The following CPSF1 variants were observed in gnomAD, a reference collection of about 807,000 sequenced individuals.
CPSF1 encodes the protein cleavage and polyadenylation specific factor 1, also known as cleavage and polyadenylation specificity factor subunit 1.
A neutral mutation model predicts 175.8 loss-of-function variants in CPSF1; 106 were observed. That is an observed-to-expected ratio of 0.60 (90% CI 0.52 to 0.71). The LOEUF (loss-of-function observed/expected upper bound fraction) is 0.71. CPSF1 is among the 30% of genes least tolerant of loss of function. CPSF1 has a pLI of 0.00. For synonymous variants in CPSF1, 1,024 were observed against 858.3 expected (o/e 1.19, Z -3.37); for missense variants, 1,734 against 2,022.9 (o/e 0.86, Z 2.74).
intron 2 of CPSF1, among the ~76,000 whole-genome samples, chr8:144,407,369 A>G (rs886194262): frequency 4.0e-5 from 6 of 151,286 alleles, no homozygotes; most frequent in African/African-American, 1.5e-4. Context: ...ACAGGCCACT[A>G]TGCCCAGCTA....
rs782631256 is a variant in CPSF1 at position 144,395,016 on chromosome 8, G to A, written c.3280C>T (p.Leu1094=). Reference sequence around the variant, plus strand: ...CAGGTCACATGCTCCCACTCCTGCAGCTCGATCCTGTGGGGGCCAGGGGCC... The same window carrying A: ...CAGGTCACATGCTCCCACTCCTGCAACTCGATCCTGTGGGGGCCAGGGGCC... ...WEAIPNARIE[L]QEWEHVTCMK... is the part of the protein sequence containing the mutation. Residue 1094 remains leucine (L), a synonymous_variant, in exon 30 of 38, where the codon CTG becomes TTG. Transcript: ENST00000616140. The A allele has an allele frequency of 1.2e-6, 2 of 1,609,338 alleles. No homozygotes were observed. Among genetic ancestry groups the A allele is most frequent in the Non-Finnish European group, 1.7e-6 (2 of 1,177,284 alleles).
intron 9 of CPSF1, 31 bp downstream of exon 9, chr8:144,400,135 G>GGGGGGCCCCCCCCCCCCCCCCCC: frequency 1.7e-5 from 15 of 895,980 alleles, no homozygotes; most frequent in Non-Finnish European, 2.1e-5. Context: ...CCGTCCCCGG[G>GGGGGGCCCCCCCCCCCCCCCCCC]CCCCCCCCGC....
In CPSF1 at chr8:144,397,518, C is replaced by A; in HGVS notation, c.2354G>T (p.Cys785Phe). 1 of 1,584,262 alleles carries A rather than the reference C, an allele frequency of 6.3e-7. No homozygotes were observed. The highest frequency in any genetic ancestry group is 8.6e-7 in the Non-Finnish European group (1 of 1,159,774). Residue 785 changes from cysteine to phenylalanine, a missense_variant, in exon 22 of 38, where the codon TGC (cysteine) becomes TTC (phenylalanine). Transcript: ENST00000616140. ...GGTGCCATTCTCCCGCACCAGCAGG[C>A]ACCAGTGGGTAGGCTCTGCCCGGAA... ...APFRAEPTHWCLLVRENGTME... is the reference protein window; with the variant it reads ...APFRAEPTHWFLLVRENGTME...
chr8:144,409,187 G>A lies in CPSF1; in HGVS notation c.-14-15C>T, dbSNP rs2116913662. 1 of 1,577,222 alleles carries A rather than the reference G, an allele frequency of 6.3e-7. No individual in the cohort carries two copies. Among genetic ancestry groups the A allele is most frequent in the African/African-American group, 1.4e-5 (1 of 73,472 alleles). Reference sequence around the variant, plus strand: ...GCCAACCCGGGCTGCGCAAGGCCGGGAGAGGAAGGGTGAGCGGGGTCGCCC... The same window carrying A: ...GCCAACCCGGGCTGCGCAAGGCCGGAAGAGGAAGGGTGAGCGGGGTCGCCC... On this transcript the variant is annotated splice_polypyrimidine_tract_variant and intron_variant, in intron 1 of 37. Coordinates refer to ENST00000616140, the MANE Select transcript of CPSF1 (RefSeq NM_013291.3).
chr8:144,398,523 A>G lies in CPSF1; in HGVS notation c.1752+2T>C, dbSNP rs1554865011. The G allele has an allele frequency of 6.2e-7, 1 of 1,610,736 alleles. No individual in the cohort carries two copies. Among genetic ancestry groups the G allele is most frequent in the Non-Finnish European group, 8.5e-7 (1 of 1,179,020 alleles). ...TCCCAGGTCCCAGGCCCTGCCCCTC[A>G]CCATGGTGGAGTCTTCCCGGCTCAG... On this transcript the variant is annotated splice_donor_variant, in intron 18 of 37. Coordinates refer to ENST00000616140, the MANE Select transcript of CPSF1 (RefSeq NM_013291.3). LOFTEE classifies it high-confidence loss of function.
intron 9 of CPSF1, 31 bp downstream of exon 9, chr8:144,400,135 G>GGGGCCCCCCCCC: frequency 1.3e-5 from 12 of 895,986 alleles, no homozygotes; most frequent in Non-Finnish European, 1.8e-5. Flanking sequence ...CCGTCCCCGG[G>GGGGCCCCCCCCC]CCCCCCCCGC....
rs782377664 is a variant in CPSF1 at position 144,398,890 on chromosome 8, G to C, written c.1549-22C>G. Reference sequence around the variant, plus strand: ...TCTTCTAGAATGATGATGGGGTGGGGGTGTGATGGGGGTGTGAGCCCACCC... The same window carrying C: ...TCTTCTAGAATGATGATGGGGTGGGCGTGTGATGGGGGTGTGAGCCCACCC... On this transcript the variant is annotated intron_variant, in intron 16 of 37. Transcript: ENST00000616140. 1.9e-6 allele frequency: 3 copies of C among 1,609,112 alleles called. No individual in the cohort carries two copies. In the African/African-American group the frequency reaches 4.0e-5, roughly 22 times the overall value.
chr8:144,399,737 T>G lies in CPSF1; in HGVS notation c.1120-27A>C. 6.2e-7 allele frequency: 1 copy of G among 1,602,962 alleles called. No individual in the cohort carries two copies. Among genetic ancestry groups the G allele is most frequent in the South Asian group, 1.1e-5 (1 of 89,200 alleles). On this transcript the variant is annotated intron_variant, in intron 11 of 37. Transcript: ENST00000616140. The surrounding 1 kb of genome is among the most constrained non-coding windows in gnomAD (Gnocchi z 6.4). ...TGAGGGAGGGCAGGTGTGTGATGGC[T>G]GGGCCGGGTCTGGACCCAGACCCAA...
At chr8:144,397,018 G>A (rs934852599) in intron 23 of CPSF1, 89 bp from the exon 24 acceptor site, 23 of 1,052,736 alleles carry the variant, frequency 2.2e-5, no homozygotes, top group Non-Finnish European at 3.3e-5. Context: ...GTGGGTAAGG[G>A]GCGGGGCTGA....
chr8:144,406,139 A>G (rs1554869025), intron 2 of CPSF1, among the ~76,000 whole-genome samples: 1 of 148,598 alleles, frequency 6.7e-6, no homozygotes, highest in African/African-American at 2.5e-5. Flanking sequence ...CCTGGACAAC[A>G]TAGCAAGACC....
chr8:144,395,276 G>A lies in CPSF1; in HGVS notation c.3176C>T (p.Thr1059Ile), dbSNP rs1467406766. The change falls in exon 28 of 38, where the codon ACC becomes ATC. Residue 1059 changes from threonine (T) to isoleucine (I), a missense_variant. This residue lies in a region of CPSF1 where 585 missense variants were observed against 584.7 expected (regional missense o/e 1.00). Coordinates refer to ENST00000616140, the MANE Select transcript of CPSF1 (RefSeq NM_013291.3). ...RMTGEEKEFETIERDERYIHP... is the reference protein window; with the variant it reads ...RMTGEEKEFEIIERDERYIHP... ...GTGGGCGTCACCACCTCTCTCGATG[G>A]TCTCAAACTCCTTCTCCTCGCCAGT... 10 of 1,613,112 alleles carry A rather than the reference G, an allele frequency of 6.2e-6. No individual in the cohort carries two copies. Among genetic ancestry groups the A allele is most frequent in the Non-Finnish European group, 8.5e-6 (10 of 1,179,954 alleles).
At chr8:144,405,589 A>G (rs1821455546) in intron 2 of CPSF1, among the ~76,000 whole-genome samples, 1 of 151,850 alleles carries the variant, frequency 6.6e-6, no homozygotes, top group Non-Finnish European at 1.5e-5. Flanking sequence ...GCACTGTTGC[A>G]CTCTATCCTG....
In CPSF1 at chr8:144,409,062, C is replaced by G; in HGVS notation, c.97G>C (p.Ala33Pro). 1.2e-6 allele frequency: 2 copies of G among 1,613,832 alleles called. No individual in the cohort carries two copies. The highest frequency in any genetic ancestry group is 8.5e-7 in the Non-Finnish European group (1 of 1,179,918). The change falls in exon 2 of 38, where the codon GCC becomes CCC. Residue 33 changes from alanine (A) to proline (P), a missense_variant. Ala to Pro is a conservative substitution (Grantham distance 27). Transcript: ENST00000616140. ...TACACGTAGAGCTGCGAGGTCCCGG[C>G]CACTACCAGGTTGCGCTCGCTGTTG... ...FNNSERNLVVAGTSQLYVYRL... is the reference protein window; with the variant it reads ...FNNSERNLVVPGTSQLYVYRL...
At chr8:144,394,070 GCCCAGC>G (rs1820532423) in intron 34 of CPSF1, 32 bp from the exon 35 acceptor site, 1 of 1,611,006 alleles carries the variant, frequency 6.2e-7, no homozygotes, top group South Asian at 1.1e-5. Context: ...GTCACTGCTA[GCCCAGC>G]CCCGGCCCAG....
Position 144,400,943 on chromosome 8 carries a change from C to T in CPSF1, c.520G>A (p.Glu174Lys). The change falls in exon 6 of 38, where the codon GAG becomes AAG. Residue 174 changes from glutamate (E) to lysine (K), a missense_variant. Coordinates refer to ENST00000616140, the MANE Select transcript of CPSF1 (RefSeq NM_013291.3). ...ACTCACCCCTCACCCACGAGCCCCT[C>T]GTGCTCCTCAGCCAGGCTCTCCCTG... Reference protein sequence around the residue: ...FRRESLAEEHEGLVGEGQRSS... With the variant: ...FRRESLAEEHKGLVGEGQRSS... The T allele has an allele frequency of 1.2e-6, 2 of 1,605,398 alleles. No individual in the cohort carries two copies. The highest frequency in any genetic ancestry group is 1.1e-5 in the South Asian group (1 of 90,404).
Position 144,396,702 on chromosome 8 carries a change from G to A in CPSF1, c.2722C>T (p.Pro908Ser). ...NINFREKKPK[P>S]SKKKAEGGGA... ...CCACCTTCTGCTTTCTTCTTGGATG[G>A]CTTTGGCTTCTTCTCACGGAAGTTG... The change falls in exon 25 of 38, where the codon CCA becomes TCA. Residue 908 changes from proline (P) to serine (S), a missense_variant. By Grantham distance (74) the Pro-to-Ser change is moderately conservative. This residue lies in a region of CPSF1 where 585 missense variants were observed against 584.7 expected (regional missense o/e 1.00). Transcript: ENST00000616140. 6.8e-6 allele frequency: 11 copies of A among 1,613,946 alleles called. No individual in the cohort carries two copies. Among genetic ancestry groups the A allele is most frequent in the Non-Finnish European group, 9.3e-6 (11 of 1,180,016 alleles).
intron 2 of CPSF1, among the ~76,000 whole-genome samples, chr8:144,407,736 G>A (rs1487849249): frequency 2.0e-5 from 3 of 152,226 alleles, no homozygotes; most frequent in African/African-American, 4.8e-5. Flanking sequence ...TTGTAGAGAT[G>A]GGGTCTTGCT....
chr8:144,403,169 T>C (rs1821312172), intron 2 of CPSF1, among the ~76,000 whole-genome samples: 1 of 151,670 alleles, frequency 6.6e-6, no homozygotes, highest in African/African-American at 2.4e-5. Flanking sequence ...TGATTTTGGC[T>C]CACTGCAACC....
intron 8 of CPSF1, 32 bp from the exon 9 acceptor site, chr8:144,400,308 C>G: frequency 6.2e-7 from 1 of 1,611,458 alleles, no homozygotes; most frequent in Non-Finnish European, 8.5e-7. Flanking sequence ...TGGGCAGGCT[C>G]AGTGCTCTCT....
Sources: gnomAD v4.1 joint callset for allele counts (sites outside exome capture counted in the v4.1 genomes callset) on GRCh38, gnomAD v4.1.1 for gene constraint, gnomAD v4.1.1 regional missense constraint, Gnocchi (gnomAD v3.1) non-coding constraint, MANE v1.5 for transcripts, NCBI Gene and HGNC (gene_info 2026-07-23, HGNC 2026-07-21) for gene names.